The following COL24A1 variants were observed in gnomAD, a reference collection of about 807,000 sequenced individuals.
COL24A1 encodes collagen type XXIV alpha 1 chain.
COL24A1 carries 224 observed loss-of-function variants against 253.9 expected under a neutral mutation model. The ratio of observed to expected loss-of-function variants is 0.88; its 90% confidence interval spans 0.79 to 0.99. The LOEUF (loss-of-function observed/expected upper bound fraction) is 0.99. COL24A1 is among the 50% of genes least tolerant of loss of function. COL24A1 has a pLI of 0.00. For synonymous variants in COL24A1, 685 were observed against 673.7 expected (o/e 1.02, Z -0.26); for missense variants, 2,131 against 2,068.5 (o/e 1.03, Z -0.59).
At chr1:85,978,184 A>G (rs1692884186) in intron 20 of COL24A1, among the ~76,000 whole-genome samples, 2 of 152,138 alleles carry the variant, frequency 1.3e-5, no homozygotes, top group African/African-American at 4.8e-5. Context: ...TGTGAAGAGC[A>G]TTCACCACTA....
chr1:85,788,093 T>C (rs1669871882), intron 47 of COL24A1, among the ~76,000 whole-genome samples: 1 of 151,870 alleles, frequency 6.6e-6, no homozygotes, highest in South Asian at 2.1e-4. Flanking sequence ...TTAATTTTAT[T>C]TTATTATGTT....
intron 55 of COL24A1, among the ~76,000 whole-genome samples, chr1:85,758,118 G>C (rs746138539): frequency 3.2e-4 from 48 of 152,060 alleles, no homozygotes; most frequent in Non-Finnish European, 5.0e-4. Flanking sequence ...ATCTAGTCTA[G>C]GCACCTCAGT....
intron 37 of COL24A1, among the ~76,000 whole-genome samples, chr1:85,861,874 C>T (rs574487484): frequency 4.1e-4 from 63 of 152,288 alleles, no homozygotes; most frequent in African/African-American, 1.5e-3. Context: ...TATTATGCTG[C>T]AGCTGTAATA....
At position 85,778,175 on chromosome 1, in the gene COL24A1, C is replaced by T. The variant is rs143423563; in HGVS notation, c.4339-2466G>A. Among the ~76,000 whole-genome samples, 26 of 152,106 alleles carry T rather than the reference C, an allele frequency of 1.7e-4. 1 individual carries two copies. In the East Asian group the frequency reaches 4.8e-3, roughly 28 times the overall value. On this transcript the variant is annotated intron_variant, in intron 52 of 59. Coordinates refer to ENST00000370571, the MANE Select transcript of COL24A1 (RefSeq NM_152890.7). ...CTGGAGTGCAGTGGCATGATCATGG[C>T]TCCCTATAGCCTCAACTTCCTCAGA...
intron 5 of COL24A1, among the ~76,000 whole-genome samples, chr1:86,104,507 G>A (rs1704754897): frequency 1.3e-5 from 2 of 152,166 alleles, no homozygotes; most frequent in African/African-American, 4.8e-5. Context: ...TTTGTGGGCT[G>A]ATGTTACTTC....
At chr1:85,762,602 A>G (rs543827675) in intron 53 of COL24A1, among the ~76,000 whole-genome samples, 1 of 152,320 alleles carries the variant, frequency 6.6e-6, no homozygotes, top group South Asian at 2.1e-4. Flanking sequence ...TTAATTATCA[A>G]CCAATGCATA....
intron 47 of COL24A1, among the ~76,000 whole-genome samples, chr1:85,800,636 T>C (rs1214158795): frequency 6.6e-6 from 1 of 152,172 alleles, no homozygotes; most frequent in Non-Finnish European, 1.5e-5. Context: ...CAGCGTGTAC[T>C]ACATCTGCTG....
chr1:86,149,460 C>T (rs907894874), intron 1 of COL24A1, among the ~76,000 whole-genome samples: 1 of 152,184 alleles, frequency 6.6e-6, no homozygotes, highest in Middle Eastern at 3.4e-3. Flanking sequence ...TACATATCAG[C>T]GAGACTAGAA....
At position 86,006,042 on chromosome 1, in the gene COL24A1, A is replaced by G. The variant is rs1333087801; in HGVS notation, c.2310+11109T>C. ...AATAAGTACAAAATTTATATGAGGA[A>G]AACTATAAAATTATGATCAAAGAAA... On this transcript the variant is annotated intron_variant, in intron 19 of 59. Coordinates refer to ENST00000370571, the MANE Select transcript of COL24A1 (RefSeq NM_152890.7). Among the ~76,000 whole-genome samples, 6 of 152,334 alleles carry G rather than the reference A, an allele frequency of 3.9e-5. No individual in the cohort carries two copies. In the East Asian group the frequency reaches 1.2e-3, roughly 29 times the overall value.
intron 28 of COL24A1, among the ~76,000 whole-genome samples, chr1:85,898,420 G>A (rs1170994870): frequency 1.3e-5 from 2 of 152,128 alleles, no homozygotes; most frequent in African/African-American, 4.8e-5. Context: ...ACTTCATGGA[G>A]GATCTGTAGC....
chr1:86,029,406 C>T (rs190750758), intron 14 of COL24A1, among the ~76,000 whole-genome samples: 96 of 152,176 alleles, frequency 6.3e-4, no homozygotes, highest in African/African-American at 2.2e-3. Flanking sequence ...ATGTGAGGTG[C>T]CCTCAGTAAT....
At chr1:86,098,911 G>A (rs1355717451) in intron 5 of COL24A1, among the ~76,000 whole-genome samples, 1 of 152,032 alleles carries the variant, frequency 6.6e-6, no homozygotes, top group African/African-American at 2.4e-5. Flanking sequence ...AAAAAAATGG[G>A]GGAGGGGAAA....
chr1:86,026,581 G>T (rs908081789), intron 14 of COL24A1, among the ~76,000 whole-genome samples: 8 of 152,154 alleles, frequency 5.3e-5, no homozygotes, highest in African/African-American at 1.9e-4. Flanking sequence ...AGTTTCCTGA[G>T]GTCACCCCAG....
At chr1:85,872,942 T>G (rs1680702071) in intron 35 of COL24A1, among the ~76,000 whole-genome samples, 1 of 152,082 alleles carries the variant, frequency 6.6e-6, no homozygotes, top group African/African-American at 2.4e-5. Context: ...CTACCCATCT[T>G]TCAAAGGGCT....
chr1:85,734,670 C>T, intron 59 of COL24A1, 79 bp downstream of exon 59: 1 of 1,308,610 alleles, frequency 7.6e-7, no homozygotes. Context: ...TAAAGTCTTA[C>T]TCTAATTATC....
At chr1:85,899,337 G>A (rs910665185) in intron 28 of COL24A1, among the ~76,000 whole-genome samples, 1 of 152,018 alleles carries the variant, frequency 6.6e-6, no homozygotes, top group Non-Finnish European at 1.5e-5. Flanking sequence ...GTAATTAATT[G>A]GGCCCTTAAA....
At chr1:85,836,774 C>T (rs1676048792) in intron 43 of COL24A1, among the ~76,000 whole-genome samples, 1 of 152,080 alleles carries the variant, frequency 6.6e-6, no homozygotes, top group Non-Finnish European at 1.5e-5. Flanking sequence ...CTAGTTTATA[C>T]AACATCTACA....
chr1:86,001,028 AC>A (rs1332344555), intron 19 of COL24A1, among the ~76,000 whole-genome samples: 1 of 152,250 alleles, frequency 6.6e-6, no homozygotes, highest in Non-Finnish European at 1.5e-5. Flanking sequence ...TTAAAAGCAG[AC>A]AAAAACCAGT....
chr1:85,924,151 C>T (rs1172797606), intron 24 of COL24A1, among the ~76,000 whole-genome samples: 1 of 152,128 alleles, frequency 6.6e-6, no homozygotes, highest in Non-Finnish European at 1.5e-5. Context: ...AGGCCAATAA[C>T]AAGTTCTGAA....
Sources: allele counts gnomAD v4.1 joint callset (sites outside exome capture counted in the v4.1 genomes callset), GRCh38; gene constraint gnomAD v4.1.1; transcripts MANE v1.5; gene names NCBI Gene and HGNC (gene_info 2026-07-23, HGNC 2026-07-21).